The following ACTR2 variants were observed in gnomAD, a reference collection of about 807,000 sequenced individuals.
ACTR2 encodes actin-related protein 2.
Under a neutral mutation model 50.2 loss-of-function variants are expected in ACTR2, and 5 were observed. The observed-to-expected ratio is 0.10, with a 90% CI of 0.05 to 0.21. The LOEUF is 0.21. ACTR2 is among the 10% of genes least tolerant of loss of function. The pLI is 1.00. For missense variants in ACTR2, 180 were observed against 480.6 expected, an observed-to-expected ratio of 0.37 and a Z score of 5.85; for synonymous variants, 140 against 162.9, an observed-to-expected ratio of 0.86 and a Z score of 1.07.
intron 2 of ACTR2, chr2:65,242,770 A>G: frequency 2.8e-6 from 1 of 362,888 alleles, no homozygotes; most frequent in South Asian, 2.2e-5. Context: ...TTTTTCTGTG[A>G]TAGTCTAAGT....
intron 2 of ACTR2, among the ~76,000 whole-genome samples, chr2:65,241,665 C>T (rs978119974): frequency 1.3e-5 from 2 of 152,156 alleles, no homozygotes; most frequent in South Asian, 4.1e-4. Context: ...ACTCTGCCTA[C>T]TCAGCTAGAC....
Sources: gnomAD v4.1 joint callset for allele counts (sites outside exome capture counted in the v4.1 genomes callset) on GRCh38, gnomAD v4.1.1 for gene constraint, MANE v1.5 for transcripts, NCBI Gene and HGNC (gene_info 2026-07-23, HGNC 2026-07-21) for gene names.